UMAD1: variants seen among roughly 807,000 people sequenced by gnomAD.
The protein encoded by UMAD1 is UBAP1-MVB12-associated (UMA) domain containing 1, also known as UBAP1-MVB12-associated (UMA)-domain containing protein 1.
A neutral mutation model predicts 6.1 loss-of-function variants in UMAD1; 8 were observed. That is an observed-to-expected ratio of 1.30 (90% confidence interval 0.76 to 2.35). The LOEUF is 2.35. Among genes scored for constraint, UMAD1 ranks in the 30% most tolerant of loss-of-function variants. The probability of loss-of-function intolerance (pLI) is 0.00; values close to 1 mark genes in which losing one functional copy is unlikely to be tolerated. For missense variants in UMAD1, 130 were observed against 78.4 expected (o/e 1.66, Z -2.49); for synonymous variants, 56 against 31.4 (o/e 1.78, Z -2.61).
rs542132417 is a variant in UMAD1, at chr7:7,804,929, C to T, written c.156+3186C>T. Among the ~76,000 whole-genome samples, 28 of 152,076 alleles carry T rather than the reference C, an allele frequency of 1.8e-4. No homozygotes were observed. In the South Asian group the frequency reaches 4.4e-3, roughly 24 times the overall value. ...CTGGGAGGCGGGGGTTGCAGTGAGC[C>T]GAGATCACACCACTGCACTCCAGCC... On this transcript the variant is annotated intron_variant, in intron 3 of 3. Transcript: ENST00000682710.
At chr7:7,746,358 TG>T (rs1247144865) in intron 2 of UMAD1, among the ~76,000 whole-genome samples, 1 of 152,208 alleles carries the variant, frequency 6.6e-6, no homozygotes, top group East Asian at 1.9e-4. Context: ...CAACCTGATA[TG>T]TTGAGTTGAA....
intron 2 of UMAD1, among the ~76,000 whole-genome samples, chr7:7,749,900 TG>T (rs1303226176): frequency 6.6e-6 from 1 of 152,158 alleles, no homozygotes; most frequent in Non-Finnish European, 1.5e-5. Flanking sequence ...GTGTCACATT[TG>T]CATTCATAAA....
chr7:7,674,377 T>C (rs1364428433), intron 2 of UMAD1, among the ~76,000 whole-genome samples: 1 of 152,186 alleles, frequency 6.6e-6, no homozygotes, highest in Non-Finnish European at 1.5e-5. Flanking sequence ...TTCCCTTAGA[T>C]TTAAGGGTAA....
chr7:7,865,463 G>C (rs1272695421), intron 3 of UMAD1, among the ~76,000 whole-genome samples: 3 of 152,148 alleles, frequency 2.0e-5, no homozygotes, highest in Non-Finnish European at 4.4e-5. Flanking sequence ...TACCTCCTTG[G>C]GGAGGAATAA....
chr7:7,660,666 A>G (rs1481242475), intron 1 of UMAD1, among the ~76,000 whole-genome samples: 1 of 152,192 alleles, frequency 6.6e-6, no homozygotes, highest in Non-Finnish European at 1.5e-5. Context: ...CTGCAGAGAG[A>G]TCCACTGTTA....
intron 3 of UMAD1, 140 bp downstream of exon 3, chr7:7,801,883 A>G: frequency 1.6e-6 from 1 of 621,410 alleles, no homozygotes; most frequent in Non-Finnish European, 2.9e-6. Flanking sequence ...GTCTGCTGAA[A>G]GTCAGTGGAG....
intron 3 of UMAD1, among the ~76,000 whole-genome samples, chr7:7,866,905 C>T (rs1474524843): frequency 1.3e-5 from 2 of 151,866 alleles, no homozygotes; most frequent in Non-Finnish European, 2.9e-5. Context: ...AGGAAGAAGA[C>T]CTTAGTATCC....
intron 3 of UMAD1, among the ~76,000 whole-genome samples, chr7:7,847,098 A>ATATAT (rs1783807382): frequency 4.3e-5 from 2 of 46,938 alleles, no homozygotes; most frequent in South Asian, 6.5e-4. Flanking sequence ...AAAAAAAAAA[A>ATATAT]AAAAAAATAT....
chr7:7,874,152 C>G (rs968300944), intron 3 of UMAD1, among the ~76,000 whole-genome samples: 1 of 152,154 alleles, frequency 6.6e-6, no homozygotes, highest in African/African-American at 2.4e-5. Flanking sequence ...TAACTGTGCT[C>G]TTGTTCTCAT....
intron 2 of UMAD1, among the ~76,000 whole-genome samples, chr7:7,727,521 CT>C (rs1016179330): frequency 6.6e-6 from 1 of 152,128 alleles, no homozygotes; most frequent in Non-Finnish European, 1.5e-5. Context: ...TGAGTGTCAA[CT>C]TGATTGGATT....
At chr7:7,689,176 G>A (rs1780112142) in intron 2 of UMAD1, among the ~76,000 whole-genome samples, 1 of 152,026 alleles carries the variant, frequency 6.6e-6, no homozygotes, top group Non-Finnish European at 1.5e-5. Context: ...CTTAGGAATG[G>A]GCACCCATCA....
intron 2 of UMAD1, among the ~76,000 whole-genome samples, chr7:7,792,914 C>T (rs941821073): frequency 1.3e-5 from 2 of 152,164 alleles, no homozygotes; most frequent in Admixed American, 6.5e-5. Flanking sequence ...TCAACCCCTT[C>T]TAAGGGCACT....
chr7:7,792,545 A>G (rs975370223), intron 2 of UMAD1, among the ~76,000 whole-genome samples: 2 of 152,216 alleles, frequency 1.3e-5, no homozygotes, highest in East Asian at 3.9e-4. Context: ...AAGCACCATG[A>G]TATTATGGAA....
chr7:7,804,130 G>T (rs958551617), intron 3 of UMAD1, among the ~76,000 whole-genome samples: 5 of 152,156 alleles, frequency 3.3e-5, no homozygotes, highest in East Asian at 1.9e-4. Flanking sequence ...TGTTTCAAAA[G>T]TGCCTTCTAT....
chr7:7,864,761 T>C (rs376669958), intron 3 of UMAD1, among the ~76,000 whole-genome samples: 2 of 152,034 alleles, frequency 1.3e-5, no homozygotes, highest in East Asian at 1.9e-4. Flanking sequence ...TGGTGGTTTC[T>C]AGATGGCATC....
intron 3 of UMAD1, among the ~76,000 whole-genome samples, chr7:7,818,846 A>G (rs924157373): frequency 2.6e-5 from 4 of 152,084 alleles, no homozygotes; most frequent in African/African-American, 9.7e-5. Flanking sequence ...TATGTTGCCC[A>G]TAGTTTTTCC....
At chr7:7,713,253 A>G (rs922234679) in intron 2 of UMAD1, among the ~76,000 whole-genome samples, 2 of 152,044 alleles carry the variant, frequency 1.3e-5, no homozygotes, top group Non-Finnish European at 2.9e-5. Context: ...CTGAGGCAGG[A>G]GAATCACTTG....
intron 3 of UMAD1, among the ~76,000 whole-genome samples, chr7:7,810,311 G>A (rs527830278): frequency 6.6e-6 from 1 of 151,992 alleles, no homozygotes; most frequent in Non-Finnish European, 1.5e-5. Flanking sequence ...GGTATTAAGA[G>A]CCATAAAGAT....
intron 1 of UMAD1, among the ~76,000 whole-genome samples, chr7:7,645,970 CTCGGCTGCCGTGTACTCAAACCCCT>C (rs1203475130): frequency 6.6e-6 from 1 of 152,102 alleles, no homozygotes; most frequent in Non-Finnish European, 1.5e-5. Context: ...GGCTCGTTTG[CTCGGCTGCCGTGTACTCAAACCCCT>C]TACGGGAGAG....
Sources: gnomAD v4.1 joint callset for allele counts (sites outside exome capture counted in the v4.1 genomes callset) on GRCh38, gnomAD v4.1.1 for gene constraint, MANE v1.5 for transcripts, NCBI Gene and HGNC (gene_info 2026-07-23, HGNC 2026-07-21) for gene names.